PTPRD: variants seen among roughly 807,000 people sequenced by gnomAD.
The protein encoded by PTPRD is receptor-type tyrosine-protein phosphatase delta.
A neutral mutation model predicts 214.5 loss-of-function variants in PTPRD; 34 were observed. The ratio of observed to expected loss-of-function variants is 0.16; its 90% CI spans 0.12 to 0.21. PTPRD has a LOEUF of 0.21. PTPRD is among the 10% of genes least tolerant of loss of function. PTPRD has a pLI of 1.00. For synonymous variants in PTPRD, 1,128 were observed against 845.7 expected (o/e 1.33, Z -5.79); for missense variants, 2,545 against 2,398.7 (o/e 1.06, Z -1.27).
At chr9:9,506,855 C>A (rs2096582477) in intron 8 of PTPRD, among the ~76,000 whole-genome samples, 1 of 151,364 alleles carries the variant, frequency 6.6e-6, no homozygotes, top group African/African-American at 2.4e-5. Context: ...ACCTACCAGT[C>A]TTGTTAACAA....
intron 2 of PTPRD, among the ~76,000 whole-genome samples, chr9:10,377,937 GT>G (rs1344349999): frequency 6.6e-6 from 1 of 152,048 alleles, no homozygotes; most frequent in Non-Finnish European, 1.5e-5. Flanking sequence ...GAGTAGGATT[GT>G]TGGATCATAC....
At chr9:10,343,448 G>T (rs976623428) in intron 2 of PTPRD, among the ~76,000 whole-genome samples, 3 of 152,134 alleles carry the variant, frequency 2.0e-5, no homozygotes, top group African/African-American at 7.2e-5. Context: ...ATATGTGCAT[G>T]TGTCTTTATA....
At chr9:10,225,959 C>A (rs558649728) in intron 3 of PTPRD, among the ~76,000 whole-genome samples, 1 of 152,012 alleles carries the variant, frequency 6.6e-6, no homozygotes, top group South Asian at 2.1e-4. Context: ...TTATGCCAGA[C>A]CTTATGCTAT....
intron 2 of PTPRD, among the ~76,000 whole-genome samples, chr9:10,552,178 G>A (rs1221382118): frequency 6.6e-6 from 1 of 152,086 alleles, no homozygotes; most frequent in East Asian, 1.9e-4. Flanking sequence ...GTTTTGAGGT[G>A]GTGGTATCAT....
chr9:9,204,502 C>T (rs1031291310), intron 9 of PTPRD, among the ~76,000 whole-genome samples: 5 of 152,114 alleles, frequency 3.3e-5, no homozygotes, highest in African/African-American at 9.7e-5. Flanking sequence ...TAAGCATTAC[C>T]GGGTTCTCAA....
chr9:8,424,233 G>T (rs1237348617), intron 35 of PTPRD, among the ~76,000 whole-genome samples: 1 of 152,140 alleles, frequency 6.6e-6, no homozygotes, highest in African/African-American at 2.4e-5. Context: ...CACCTTAACA[G>T]ATAAGTTAAT....
At chr9:9,593,720 C>T (rs1462447607) in intron 7 of PTPRD, among the ~76,000 whole-genome samples, 1 of 151,966 alleles carries the variant, frequency 6.6e-6, no homozygotes, top group East Asian at 1.9e-4. Flanking sequence ...CACTGAGGAA[C>T]ACAATGAAGG....
At chr9:8,735,035 C>A (rs79492850) in intron 11 of PTPRD, among the ~76,000 whole-genome samples, 5,359 of 152,048 alleles carry the variant, frequency 0.035, 297 homozygotes, top group African/African-American at 0.12. Context: ...ACGGGGCCCC[C>A]TGGAAGCCTT....
chr9:10,032,181 G>A (rs1223307372), intron 4 of PTPRD, among the ~76,000 whole-genome samples: 2 of 152,064 alleles, frequency 1.3e-5, no homozygotes, highest in African/African-American at 4.8e-5. Flanking sequence ...TAGAATTGGT[G>A]GTTCACACAT....
intron 10 of PTPRD, among the ~76,000 whole-genome samples, chr9:9,059,371 G>A (rs1404380700): frequency 6.6e-6 from 1 of 152,194 alleles, no homozygotes; most frequent in Non-Finnish European, 1.5e-5. Context: ...TGAGGCCAGT[G>A]AAGGGTATTA....
At chr9:9,893,022 T>C (rs934045942) in intron 5 of PTPRD, among the ~76,000 whole-genome samples, 2 of 152,082 alleles carry the variant, frequency 1.3e-5, no homozygotes, top group African/African-American at 4.8e-5. Flanking sequence ...AATTTGGACA[T>C]CAGACACTCA....
intron 9 of PTPRD, among the ~76,000 whole-genome samples, chr9:9,393,781 T>C (rs2066733528): frequency 2.0e-5 from 3 of 152,150 alleles, no homozygotes; most frequent in Admixed American, 2.0e-4. Flanking sequence ...GCGGAATGGA[T>C]TAAATACTGA....
At chr9:9,810,544 AG>A (rs1338276987) in intron 5 of PTPRD, among the ~76,000 whole-genome samples, 2 of 152,080 alleles carry the variant, frequency 1.3e-5, no homozygotes, top group Non-Finnish European at 2.9e-5. Flanking sequence ...ACTGGATGAC[AG>A]CAAAACTTTA....
chr9:8,840,761 T>C (rs1293329505), intron 11 of PTPRD, among the ~76,000 whole-genome samples: 1 of 152,188 alleles, frequency 6.6e-6, no homozygotes, highest in Non-Finnish European at 1.5e-5. Context: ...TCTTAATTTT[T>C]TTTTTACACA....
chr9:8,723,653 A>C (rs909963220), intron 12 of PTPRD, among the ~76,000 whole-genome samples: 1 of 152,214 alleles, frequency 6.6e-6, no homozygotes, highest in Non-Finnish European at 1.5e-5. Flanking sequence ...AGTTTCTATC[A>C]ACCTAAAATC....
chr9:10,230,505 A>G (rs1459438993), intron 3 of PTPRD, among the ~76,000 whole-genome samples: 1 of 146,912 alleles, frequency 6.8e-6, no homozygotes, highest in African/African-American at 2.5e-5. Context: ...TCTATTATCT[A>G]TGTATCTATC....
At chr9:8,480,324 C>T (rs2096854377) in intron 30 of PTPRD, among the ~76,000 whole-genome samples, 1 of 152,138 alleles carries the variant, frequency 6.6e-6, no homozygotes, top group Non-Finnish European at 1.5e-5. Context: ...TTTTAAGCCT[C>T]AGCTTAAAAA....
chr9:8,703,269 G>A (rs999496678), intron 12 of PTPRD, among the ~76,000 whole-genome samples: 2 of 152,142 alleles, frequency 1.3e-5, no homozygotes, highest in African/African-American at 4.8e-5. Flanking sequence ...AGTTTAAAGT[G>A]CTCTTTTTTT....
chr9:9,717,853 A>T (rs2097860666), intron 7 of PTPRD, among the ~76,000 whole-genome samples: 1 of 152,198 alleles, frequency 6.6e-6, no homozygotes, highest in South Asian at 2.1e-4. Context: ...TTTATCTGTA[A>T]AACACTTAGG....
Sources: gnomAD v4.1 joint callset for allele counts (sites outside exome capture counted in the v4.1 genomes callset) on GRCh38, gnomAD v4.1.1 for gene constraint, MANE v1.5 for transcripts, NCBI Gene and HGNC (gene_info 2026-07-23, HGNC 2026-07-21) for gene names.